The following HSD17B14 variants were observed in gnomAD, a reference collection of about 807,000 sequenced individuals.
The protein encoded by HSD17B14 is L-fucose dehydrogenase.
HSD17B14 carries 32 observed loss-of-function variants against 32.2 expected under a neutral mutation model. The observed-to-expected ratio is 0.99, with a 90% confidence interval of 0.75 to 1.33. The LOEUF (loss-of-function observed/expected upper bound fraction) is 1.33, where lower values mean the gene tolerates loss of function less well. Among genes scored for constraint, HSD17B14 ranks in the 40% most tolerant of loss-of-function variants. The probability of loss-of-function intolerance (pLI) is 0.00; values close to 1 mark genes in which losing one functional copy is unlikely to be tolerated. For synonymous variants in HSD17B14, 140 were observed against 155.4 expected (o/e 0.90, Z 0.74); for missense variants, 370 against 366.5 (o/e 1.01, Z -0.08).
At position 48,836,459 on chromosome 19, in the gene HSD17B14, C is replaced by T. The variant is rs2035519985; in HGVS notation, c.-48G>A. ...TCTCTCTACTCTGGGCCTCTTTCAC[C>T]TCCAAAGCCCCGTGAGGCCGTCGCA... On this transcript the variant is annotated 5_prime_UTR_variant, in exon 1 of 9. Coordinates refer to ENST00000263278, the MANE Select transcript of HSD17B14 (RefSeq NM_016246.3). 3.2e-6 allele frequency: 5 copies of T among 1,584,148 alleles called. No individual in the cohort carries two copies. Among genetic ancestry groups the T allele is most frequent in the Middle Eastern group, 1.7e-4 (1 of 6,040 alleles).
At chr19:48,818,803 C>T (rs1456884659) in intron 5 of HSD17B14, among the ~76,000 whole-genome samples, 1 of 152,058 alleles carries the variant, frequency 6.6e-6, no homozygotes, top group East Asian at 1.9e-4. Flanking sequence ...AGTTCAAGGC[C>T]AGCCTGGGCA....
Position 48,825,883 on chromosome 19 carries a change from C to T in HSD17B14, c.369+5785G>A, listed in dbSNP as rs368187147. ...TCACCCAGGCTGGAGTGCAGTGGCG[C>T]GATCTCGGCTCACTGCAAGCTCCGC... On this transcript the variant is annotated intron_variant, in intron 5 of 8. Coordinates refer to ENST00000263278, the MANE Select transcript of HSD17B14 (RefSeq NM_016246.3). Among the ~76,000 whole-genome samples the T allele has an allele frequency of 3.2e-4, 49 of 151,936 alleles. No homozygotes were observed. In the South Asian group the frequency reaches 6.5e-3, roughly 20 times the overall value.
chr19:48,833,736 G>A (rs2035390225), intron 3 of HSD17B14, among the ~76,000 whole-genome samples: 1 of 152,026 alleles, frequency 6.6e-6, no homozygotes, highest in Admixed American at 6.6e-5. Flanking sequence ...TGAGAGAGGA[G>A]AATCACTTGA....
intron 6 of HSD17B14, 84 bp downstream of exon 6, chr19:48,814,953 G>C: frequency 1.0e-6 from 1 of 997,514 alleles, no homozygotes; most frequent in South Asian, 1.3e-5. Context: ...ATCTTGCTAG[G>C]TCTGGCTCCT....
intron 6 of HSD17B14, among the ~76,000 whole-genome samples, chr19:48,814,357 TA>T (rs1298634709): frequency 6.7e-5 from 10 of 149,704 alleles, no homozygotes; most frequent in African/African-American, 2.5e-4. Flanking sequence ...TCGTCTCTAC[TA>T]AAAAATACAA....
chr19:48,835,719 G>A (rs1011393736), intron 2 of HSD17B14, 86 bp downstream of exon 2: 23 of 1,369,900 alleles, frequency 1.7e-5, no homozygotes, highest in Admixed American at 3.4e-5. Context: ...TGGACTCCGG[G>A]GTCTGAGGGA....
At chr19:48,814,999 G>C (rs1307735009) in intron 6 of HSD17B14, 38 bp downstream of exon 6, 3 of 1,501,030 alleles carry the variant, frequency 2.0e-6, no homozygotes, top group Non-Finnish European at 2.8e-6. Context: ...CCCATGGGAA[G>C]GAGTAGGGAG....
At chr19:48,834,110 A>C (rs1338677882) in intron 3 of HSD17B14, among the ~76,000 whole-genome samples, 166 bp downstream of exon 3, 2 of 152,230 alleles carry the variant, frequency 1.3e-5, no homozygotes, top group Non-Finnish European at 2.9e-5. Flanking sequence ...CCCATCAGTC[A>C]CAGAAGACCT....
intron 1 of HSD17B14, 118 bp from the exon 2 acceptor site, chr19:48,835,961 A>C: frequency 2.3e-6 from 2 of 881,958 alleles, no homozygotes; most frequent in Non-Finnish European, 3.6e-6. Flanking sequence ...CAGTCTCATG[A>C]TCACCCATAG....
intron 5 of HSD17B14, among the ~76,000 whole-genome samples, chr19:48,816,395 C>T (rs895542266): frequency 4.6e-5 from 7 of 152,170 alleles, no homozygotes; most frequent in African/African-American, 1.4e-4. Context: ...CTTCGACACA[C>T]CCTGCGTGTT....
At chr19:48,828,244 C>T (rs772613723) in intron 5 of HSD17B14, among the ~76,000 whole-genome samples, 1 of 152,154 alleles carries the variant, frequency 6.6e-6, no homozygotes, top group African/African-American at 2.4e-5. Context: ...GGTTTACAGA[C>T]ATCACATTGA....
chr19:48,816,272 C>T (rs1046227839), intron 5 of HSD17B14, among the ~76,000 whole-genome samples: 7 of 152,282 alleles, frequency 4.6e-5, no homozygotes, highest in Middle Eastern at 3.4e-3. Context: ...GCACCCCTAG[C>T]AGGCTCTCCG....
intron 8 of HSD17B14, 53 bp downstream of exon 8, chr19:48,813,403 G>GC (rs745906630): frequency 6.4e-7 from 1 of 1,557,786 alleles, no homozygotes; most frequent in East Asian, 2.3e-5. Flanking sequence ...TGATCGCCAT[G>GC]CCCCCCACCC....
At chr19:48,827,181 T>A (rs773163712) in intron 5 of HSD17B14, among the ~76,000 whole-genome samples, 1 of 151,908 alleles carries the variant, frequency 6.6e-6, no homozygotes, top group Non-Finnish European at 1.5e-5. Context: ...AAGCTGGGAT[T>A]ACAGGCGCCC....
chr19:48,833,445 A>G (rs2035382511), intron 3 of HSD17B14, among the ~76,000 whole-genome samples: 1 of 152,122 alleles, frequency 6.6e-6, no homozygotes, highest in Non-Finnish European at 1.5e-5. Flanking sequence ...TAATCCCAAC[A>G]CTTTGGGAGG....
At chr19:48,834,398 C>G in intron 2 of HSD17B14, 40 bp from the exon 3 acceptor site, 1 of 1,332,780 alleles carries the variant, frequency 7.5e-7, no homozygotes, top group Non-Finnish European at 1.1e-6. Context: ...ACCCCTGGGT[C>G]TCAGGGAGGA....
At chr19:48,815,331 C>T (rs1304735953) in intron 5 of HSD17B14, among the ~76,000 whole-genome samples, 190 bp from the exon 6 acceptor site, 1 of 152,088 alleles carries the variant, frequency 6.6e-6, no homozygotes, top group African/African-American at 2.4e-5. Flanking sequence ...GTCGCTGGGT[C>T]TCAGCACTCA....
chr19:48,831,640 G>A (rs777452733), intron 5 of HSD17B14, 28 bp downstream of exon 5: 2 of 1,535,782 alleles, frequency 1.3e-6, no homozygotes, highest in Non-Finnish European at 1.8e-6. Context: ...GGCTGCTCGG[G>A]CCTGGCGGCA....
chr19:48,815,953 G>A (rs995428479), intron 5 of HSD17B14, among the ~76,000 whole-genome samples: 16 of 151,196 alleles, frequency 1.1e-4, no homozygotes, highest in African/African-American at 3.9e-4. Context: ...CCCGGGAGGT[G>A]GAGGTTGCAG....
Sources: allele counts gnomAD v4.1 joint callset (sites outside exome capture counted in the v4.1 genomes callset), GRCh38; gene constraint gnomAD v4.1.1; transcripts MANE v1.5; gene names NCBI Gene and HGNC (gene_info 2026-07-23, HGNC 2026-07-21).